The following TENM3 variants were observed in gnomAD, a reference collection of about 807,000 sequenced individuals.
TENM3 encodes the protein teneurin transmembrane protein 3.
In TENM3, 63 loss-of-function variants were observed where a neutral mutation model predicts 255.1. That is an observed-to-expected ratio of 0.25 (90% CI 0.20 to 0.30). The LOEUF (loss-of-function observed/expected upper bound fraction) is 0.30. TENM3 is among the 10% of genes least tolerant of loss of function. The pLI, the probability that TENM3 is intolerant of heterozygous loss-of-function variation, is 1.00. For synonymous variants in TENM3, 1,306 were observed against 1,322.3 expected (o/e 0.99, Z 0.27); for missense variants, 2,929 against 3,461.1 (o/e 0.85, Z 3.86).
chr4:181,886,510 A>G, the TENM3 span, among the ~76,000 whole-genome samples: 2,237 of 152,300 alleles, frequency 0.015, 60 homozygotes, highest in African/African-American at 0.051. Flanking sequence ...TTTAAATCAC[A>G]TGGATTCTTG....
chr4:182,085,619 A>G, the TENM3 span, among the ~76,000 whole-genome samples: 2 of 152,192 alleles, frequency 1.3e-5, no homozygotes. Context: ...AAAATATTAC[A>G]GTGTCTTGGT....
At chr4:181,629,372 T>G in the TENM3 span, among the ~76,000 whole-genome samples, 8 of 152,298 alleles carry the variant, frequency 5.3e-5, no homozygotes, top group Admixed American at 5.2e-4. Context: ...TCCGACACTG[T>G]GTTGAATAGG....
At chr4:182,609,343 A>C (rs73006943) in intron 4 of TENM3, among the ~76,000 whole-genome samples, 3 of 152,126 alleles carry the variant, frequency 2.0e-5, no homozygotes, top group African/African-American at 4.8e-5. Flanking sequence ...AGATAATTGC[A>C]TATCTTTTTC....
the TENM3 span, among the ~76,000 whole-genome samples, chr4:181,707,197 A>C: frequency 6.6e-6 from 1 of 152,216 alleles, no homozygotes; most frequent in African/African-American, 2.4e-5. Flanking sequence ...TTACCTGGAA[A>C]GTAGCAACAG....
the TENM3 span, among the ~76,000 whole-genome samples, chr4:181,489,052 C>T: frequency 2.0e-5 from 3 of 152,086 alleles, no homozygotes; most frequent in Non-Finnish European, 4.4e-5. Flanking sequence ...GGCAAGTGAC[C>T]AGAGGGGACT....
the TENM3 span, among the ~76,000 whole-genome samples, chr4:181,556,747 T>C: frequency 6.6e-6 from 1 of 152,206 alleles, no homozygotes; most frequent in African/African-American, 2.4e-5. Context: ...CATCTGTTAT[T>C]CTTTCCTCAG....
the TENM3 span, among the ~76,000 whole-genome samples, chr4:181,650,178 G>A: frequency 3.9e-5 from 6 of 152,152 alleles, no homozygotes; most frequent in Non-Finnish European, 8.8e-5. Flanking sequence ...TAAATTCCCA[G>A]GATACTGCAT....
At chr4:182,464,247 T>TA (rs1276264471) in intron 3 of TENM3, among the ~76,000 whole-genome samples, 1 of 152,072 alleles carries the variant, frequency 6.6e-6, no homozygotes, top group Non-Finnish European at 1.5e-5. Context: ...GATTTAACAT[T>TA]AAAAAATTAT....
At chr4:181,758,798 G>A in the TENM3 span, among the ~76,000 whole-genome samples, 3 of 152,126 alleles carry the variant, frequency 2.0e-5, no homozygotes, top group Non-Finnish European at 4.4e-5. Flanking sequence ...AGCACATGTA[G>A]TTCTGTTTCC....
chr4:181,491,666 G>A, the TENM3 span, among the ~76,000 whole-genome samples: 7 of 152,098 alleles, frequency 4.6e-5, no homozygotes, highest in African/African-American at 1.4e-4. Context: ...TTTGAATGAT[G>A]TTGAAAAGTA....
chr4:181,888,554 A>G, the TENM3 span, among the ~76,000 whole-genome samples: 143 of 109,498 alleles, frequency 1.3e-3, 1 homozygote, highest in African/African-American at 4.8e-3. Context: ...ATATATGTAT[A>G]TATATACATA....
the TENM3 span, among the ~76,000 whole-genome samples, chr4:181,817,433 C>G: frequency 6.6e-6 from 1 of 152,140 alleles, no homozygotes; most frequent in African/African-American, 2.4e-5. Context: ...AAAACTGCCT[C>G]TGGTTTAGAA....
intron 3 of TENM3, among the ~76,000 whole-genome samples, chr4:182,488,710 A>C (rs1259323109): frequency 6.6e-6 from 1 of 152,214 alleles, no homozygotes; most frequent in African/African-American, 2.4e-5. Context: ...GAATACTAAG[A>C]TAGAAACAAT....
the TENM3 span, among the ~76,000 whole-genome samples, chr4:181,699,564 A>C: frequency 2.0e-5 from 3 of 151,648 alleles, no homozygotes. Flanking sequence ...GGAGTTTTTC[A>C]CATTTGAGAT....
chr4:182,195,461 A>T (rs1185575932), intron 1 of TENM3, among the ~76,000 whole-genome samples: 1 of 152,102 alleles, frequency 6.6e-6, no homozygotes, highest in Non-Finnish European at 1.5e-5. Flanking sequence ...CAACATAGCA[A>T]GAGCTCGCCT....
the TENM3 span, among the ~76,000 whole-genome samples, chr4:181,866,664 T>A: frequency 0.76 from 115,075 of 152,016 alleles, 45,762 homozygotes; most frequent in Non-Finnish European, 0.88. Context: ...TTGCCCCACA[T>A]TTTTTACTGT....
At chr4:182,640,261 A>G (rs954500979) in intron 5 of TENM3, among the ~76,000 whole-genome samples, 1 of 152,226 alleles carries the variant, frequency 6.6e-6, no homozygotes, top group Non-Finnish European at 1.5e-5. Context: ...AAATAATACT[A>G]TAGAAGGTTC....
At chr4:181,926,874 G>A in the TENM3 span, among the ~76,000 whole-genome samples, 1 of 151,852 alleles carries the variant, frequency 6.6e-6, no homozygotes, top group Non-Finnish European at 1.5e-5. Flanking sequence ...AGCAGAAGCA[G>A]GGTGGGGCAT....
chr4:181,727,233 C>T, the TENM3 span, among the ~76,000 whole-genome samples: 1 of 152,260 alleles, frequency 6.6e-6, no homozygotes, highest in Middle Eastern at 3.4e-3. Context: ...GCTGCTTCCC[C>T]TGGCACCCAG....
Sources: allele counts gnomAD v4.1 joint callset (sites outside exome capture counted in the v4.1 genomes callset), GRCh38; gene constraint gnomAD v4.1.1; transcripts MANE v1.5; gene names NCBI Gene and HGNC (gene_info 2026-07-23, HGNC 2026-07-21).